Variants in LY86 observed in about 807,000 individuals in gnomAD.
LY86 encodes the protein MD-1, RP105-associated.
A neutral mutation model predicts 17.3 loss-of-function variants in LY86; 20 were observed. The observed-to-expected ratio is 1.15, with a 90% CI of 0.81 to 1.68. The LOEUF is 1.68. Among genes scored for constraint, LY86 ranks in the 40% most tolerant of loss-of-function variants. The pLI is 0.00. For missense variants in LY86, 200 were observed against 191.9 expected (o/e 1.04, Z -0.25); for synonymous variants, 74 against 70.6 (o/e 1.05, Z -0.24).
chr6:6,611,693 T>C (rs1440042732), intron 1 of LY86, among the ~76,000 whole-genome samples: 1 of 152,230 alleles, frequency 6.6e-6, no homozygotes, highest in African/African-American at 2.4e-5. Flanking sequence ...GCGCCGGTCG[T>C]GTTTGTCCCC....
chr6:6,606,497 T>G (rs918315584), intron 1 of LY86, among the ~76,000 whole-genome samples: 1 of 152,102 alleles, frequency 6.6e-6, no homozygotes, highest in African/African-American at 2.4e-5. Context: ...GGGTGGTCGA[T>G]GGGACCGGGG....
intron 1 of LY86, among the ~76,000 whole-genome samples, chr6:6,599,278 C>T (rs1760822866): frequency 6.6e-6 from 1 of 152,204 alleles, no homozygotes; most frequent in South Asian, 2.1e-4. Context: ...ATGAGGTCTT[C>T]AGGAGCTCAA....
chr6:6,612,213 A>T (rs145318076), intron 1 of LY86, among the ~76,000 whole-genome samples: 1 of 152,282 alleles, frequency 6.6e-6, no homozygotes, highest in Non-Finnish European at 1.5e-5. Flanking sequence ...AGACCCTCAC[A>T]GTTAAGTTCT....
chr6:6,612,441 T>C (rs1330013701), intron 1 of LY86, among the ~76,000 whole-genome samples: 4 of 152,166 alleles, frequency 2.6e-5, no homozygotes, highest in Admixed American at 2.0e-4. Flanking sequence ...CCGCAAACCT[T>C]CATGGGGAGT....
At chr6:6,616,965 G>GAAAGGA (rs1761570667) in intron 1 of LY86, among the ~76,000 whole-genome samples, 1 of 152,240 alleles carries the variant, frequency 6.6e-6, no homozygotes, top group African/African-American at 2.4e-5. Context: ...CTGTCCCTAA[G>GAAAGGA]CCAGGCTCTC....
intron 3 of LY86, among the ~76,000 whole-genome samples, chr6:6,627,570 G>A (rs1010331291): frequency 6.6e-6 from 1 of 152,094 alleles, no homozygotes; most frequent in African/African-American, 2.4e-5. Flanking sequence ...TTCCACATTG[G>A]ACCACGAGCT....
In LY86 at chr6:6,612,704, G is replaced by T. The variant is rs369644328; in HGVS notation, c.137-12222G>T. Among the ~76,000 whole-genome samples, 3 of 152,230 alleles carry T rather than the reference G, an allele frequency of 2.0e-5. No homozygotes were observed. In the East Asian group the frequency reaches 5.8e-4, roughly 29 times the overall value. ...TTTTGACAGGGTGCTGATTGGTCGC[G>T]TTTACAATCCCTGAGCTAGATGCAA... On this transcript the variant is annotated intron_variant, in intron 1 of 4. Transcript: ENST00000230568.
At chr6:6,635,207 G>A (rs1253453078) in intron 3 of LY86, among the ~76,000 whole-genome samples, 1 of 152,056 alleles carries the variant, frequency 6.6e-6, no homozygotes, top group Non-Finnish European at 1.5e-5. Context: ...TACCTGATAG[G>A]GACATGTTCC....
At chr6:6,618,975 A>G (rs1468416495) in intron 1 of LY86, among the ~76,000 whole-genome samples, 1 of 152,254 alleles carries the variant, frequency 6.6e-6, no homozygotes, top group African/African-American at 2.4e-5. Context: ...CAGTGGCATT[A>G]AGGACAGAAA....
intron 1 of LY86, among the ~76,000 whole-genome samples, chr6:6,608,226 T>C (rs1761243386): frequency 6.6e-6 from 1 of 152,228 alleles, no homozygotes; most frequent in Non-Finnish European, 1.5e-5. Flanking sequence ...ACAAAAATAC[T>C]ATTATGTGCA....
intron 1 of LY86, among the ~76,000 whole-genome samples, chr6:6,602,957 C>A (rs886359446): frequency 6.6e-6 from 1 of 152,098 alleles, no homozygotes; most frequent in African/African-American, 2.4e-5. Flanking sequence ...TACTTTAGAT[C>A]GTGTAACTCA....
At chr6:6,590,742 T>C (rs940739663) in intron 1 of LY86, among the ~76,000 whole-genome samples, 13 of 152,086 alleles carry the variant, frequency 8.5e-5, no homozygotes, top group Non-Finnish European at 1.6e-4. Flanking sequence ...AAAGAGAAGT[T>C]GATTAAGCAT....
chr6:6,631,366 G>A (rs531262194), intron 3 of LY86, among the ~76,000 whole-genome samples: 17 of 152,226 alleles, frequency 1.1e-4, no homozygotes, highest in Non-Finnish European at 2.2e-4. Flanking sequence ...AAACCCCTCT[G>A]CTGTATATCT....
At chr6:6,623,761 A>AAAC (rs1761728922) in intron 1 of LY86, among the ~76,000 whole-genome samples, 1 of 152,218 alleles carries the variant, frequency 6.6e-6, no homozygotes, top group African/African-American at 2.4e-5. Context: ...AGTACAAGGT[A>AAAC]AACCCTCTGT....
intron 1 of LY86, among the ~76,000 whole-genome samples, chr6:6,607,242 C>G (rs948597317): frequency 1.3e-5 from 2 of 152,040 alleles, no homozygotes; most frequent in Non-Finnish European, 1.5e-5. Flanking sequence ...AATCTGTGGC[C>G]CAACAATGTG....
intron 3 of LY86, among the ~76,000 whole-genome samples, chr6:6,628,144 G>A (rs1175724046): frequency 6.6e-6 from 1 of 151,836 alleles, no homozygotes; most frequent in African/African-American, 2.4e-5. Context: ...CATTTCCTCA[G>A]AATGGTGAAC....
chr6:6,605,370 G>A (rs1026622515), intron 1 of LY86, among the ~76,000 whole-genome samples: 2 of 152,208 alleles, frequency 1.3e-5, no homozygotes. Flanking sequence ...AGGCTTGGCT[G>A]GGGGAGCAGC....
chr6:6,590,938 A>AC (rs1489795108), intron 1 of LY86, among the ~76,000 whole-genome samples: 78 of 144,132 alleles, frequency 5.4e-4, no homozygotes, highest in Admixed American at 2.0e-3. Flanking sequence ...ACACACACAC[A>AC]AAAATTAAAA....
At chr6:6,606,231 G>C (rs1028069220) in intron 1 of LY86, among the ~76,000 whole-genome samples, 1 of 150,926 alleles carries the variant, frequency 6.6e-6, no homozygotes, top group African/African-American at 2.4e-5. Flanking sequence ...GCTAGATACA[G>C]AGTGTGGACG....
Sources: allele counts gnomAD v4.1 joint callset (sites outside exome capture counted in the v4.1 genomes callset), GRCh38; gene constraint gnomAD v4.1.1; transcripts MANE v1.5; gene names NCBI Gene and HGNC (gene_info 2026-07-23, HGNC 2026-07-21).